The following EPHA7 variants were observed in gnomAD, a reference collection of about 807,000 sequenced individuals.
The protein encoded by EPHA7 is EPH receptor A7, also known as ephrin type-A receptor 7.
Under a neutral mutation model 112.6 loss-of-function variants are expected in EPHA7, and 25 were observed. The observed-to-expected ratio is 0.22, with a 90% CI of 0.16 to 0.31. The LOEUF is 0.31. Ranked by LOEUF, EPHA7 falls within the 10% of genes least tolerant of loss-of-function variation. The pLI, the probability that EPHA7 is intolerant of heterozygous loss-of-function variation, is 1.00. For missense variants in EPHA7, 962 were observed against 1,212.6 expected (o/e 0.79, Z 3.07); for synonymous variants, 437 against 406.5 (o/e 1.07, Z -0.90).
chr6:93,261,387 G>T (rs752625781), intron 9 of EPHA7, among the ~76,000 whole-genome samples: 7 of 151,240 alleles, frequency 4.6e-5, no homozygotes, highest in Non-Finnish European at 7.4e-5. Context: ...ACTAAATAGA[G>T]GAATAAAAAG....
chr6:93,326,755 C>T (rs929963646), intron 5 of EPHA7, among the ~76,000 whole-genome samples: 1 of 151,342 alleles, frequency 6.6e-6, no homozygotes, highest in African/African-American at 2.4e-5. Context: ...TAACACACAT[C>T]CAGCGGTGAG....
intron 5 of EPHA7, among the ~76,000 whole-genome samples, chr6:93,285,585 A>T (rs1772021592): frequency 6.6e-6 from 1 of 151,424 alleles, no homozygotes; most frequent in Non-Finnish European, 1.5e-5. Flanking sequence ...AAAAACCAAG[A>T]CAAAGAATAA....
intron 5 of EPHA7, among the ~76,000 whole-genome samples, chr6:93,290,796 C>G (rs995993215): frequency 5.3e-5 from 8 of 152,062 alleles, no homozygotes; most frequent in Admixed American, 1.3e-4. Context: ...GAGGCTCTTA[C>G]GAATGCCCAG....
intron 3 of EPHA7, among the ~76,000 whole-genome samples, chr6:93,363,089 C>T (rs948080270): frequency 1.3e-5 from 2 of 152,144 alleles, no homozygotes; most frequent in Non-Finnish European, 2.9e-5. Context: ...TCTTGCTTGG[C>T]TATCCTCCAT....
At position 93,317,457 on chromosome 6, in the gene EPHA7, T is replaced by G. The variant is rs183656365; in HGVS notation, c.1324+39260A>C. The stretch of plus-strand genomic sequence containing the variant: ...GGACCCAGTTTTTTGATGGCCTTGG[T>G]ATTTTTACATATGAATTATAGCCAT... On this transcript the variant is annotated intron_variant, in intron 5 of 16. Coordinates refer to ENST00000369303, the MANE Select transcript of EPHA7 (RefSeq NM_004440.4). 1.3e-3 allele frequency among the ~76,000 whole-genome samples: 191 copies of G among 152,284 alleles called. 1 individual carries two copies. The highest frequency in any genetic ancestry group is 4.3e-3 in the African/African-American group (180 of 41,554).
chr6:93,390,825 T>C (rs1777869697), intron 3 of EPHA7, among the ~76,000 whole-genome samples: 1 of 151,892 alleles, frequency 6.6e-6, no homozygotes, highest in Non-Finnish European at 1.5e-5. Flanking sequence ...CTCATGCAGG[T>C]TTATCTCTCT....
chr6:93,334,880 T>A (rs1562104077), intron 5 of EPHA7, among the ~76,000 whole-genome samples: 1 of 152,234 alleles, frequency 6.6e-6, no homozygotes, highest in East Asian at 1.9e-4. Context: ...GCTCATATTT[T>A]AAAATTTTCC....
intron 14 of EPHA7, among the ~76,000 whole-genome samples, chr6:93,252,927 T>C (rs757609181): frequency 1.3e-5 from 2 of 152,050 alleles, no homozygotes; most frequent in Non-Finnish European, 2.9e-5. Context: ...TTCATAATGT[T>C]CATTTTTAAG....
At chr6:93,388,705 T>G (rs1047250261) in intron 3 of EPHA7, among the ~76,000 whole-genome samples, 1 of 151,900 alleles carries the variant, frequency 6.6e-6, no homozygotes, top group African/African-American at 2.4e-5. Flanking sequence ...TGTAAAGAGA[T>G]AACAATCCAG....
chr6:93,248,093 T>A (rs1770039740), intron 14 of EPHA7, among the ~76,000 whole-genome samples: 1 of 141,390 alleles, frequency 7.1e-6, no homozygotes, highest in African/African-American at 2.6e-5. Context: ...GGTAGAAATG[T>A]AACAAAAAAT....
intron 3 of EPHA7, among the ~76,000 whole-genome samples, chr6:93,405,813 G>GTATATATATATATATATA (rs60882775): frequency 1.4e-5 from 1 of 73,998 alleles, no homozygotes; most frequent in Non-Finnish European, 2.5e-5. Flanking sequence ...GTGTGTGTGT[G>GTATATATATATATATATA]TATATATATA....
intron 5 of EPHA7, among the ~76,000 whole-genome samples, chr6:93,316,998 C>T (rs982417098): frequency 3.3e-5 from 5 of 152,112 alleles, no homozygotes; most frequent in African/African-American, 1.2e-4. Context: ...GTAAAACTAC[C>T]TGCTGCGCTT....
intron 3 of EPHA7, chr6:93,409,632 A>G (rs1350702265): frequency 2.0e-5 from 3 of 151,980 alleles, no homozygotes; most frequent in Non-Finnish European, 4.4e-5. Flanking sequence ...TATGTTTTAT[A>G]TAAGTTAAAA....
At chr6:93,381,745 A>G (rs961594028) in intron 3 of EPHA7, among the ~76,000 whole-genome samples, 7 of 143,644 alleles carry the variant, frequency 4.9e-5, no homozygotes, top group African/African-American at 1.8e-4. Context: ...TTTTTTTCTT[A>G]TACCTGTGAT....
At chr6:93,415,644 T>G (rs1042537610) in intron 1 of EPHA7, among the ~76,000 whole-genome samples, 1 of 152,110 alleles carries the variant, frequency 6.6e-6, no homozygotes, top group Non-Finnish European at 1.5e-5. Context: ...CTCACTCTTT[T>G]GGTCAAACTG....
At chr6:93,292,488 G>A (rs1772430310) in intron 5 of EPHA7, among the ~76,000 whole-genome samples, 1 of 151,946 alleles carries the variant, frequency 6.6e-6, no homozygotes, top group African/African-American at 2.4e-5. Context: ...TATTTGTATT[G>A]AAAAGTTGTG....
intron 14 of EPHA7, among the ~76,000 whole-genome samples, chr6:93,249,622 C>G (rs1582387947): frequency 6.6e-6 from 1 of 152,112 alleles, no homozygotes; most frequent in East Asian, 1.9e-4. Flanking sequence ...CATTCTAATG[C>G]TCATAACATT....
At chr6:93,317,466 A>T (rs1237918350) in intron 5 of EPHA7, among the ~76,000 whole-genome samples, 1 of 152,184 alleles carries the variant, frequency 6.6e-6, no homozygotes, top group African/African-American at 2.4e-5. Flanking sequence ...GTATTTTTAC[A>T]TATGAATTAT....
intron 5 of EPHA7, among the ~76,000 whole-genome samples, chr6:93,276,187 G>C (rs924611814): frequency 2.6e-5 from 4 of 151,954 alleles, no homozygotes; most frequent in African/African-American, 9.7e-5. Flanking sequence ...GATTATCCTG[G>C]ATTCTTCCCA....
Sources: gnomAD v4.1 joint callset for allele counts (sites outside exome capture counted in the v4.1 genomes callset) on GRCh38, gnomAD v4.1.1 for gene constraint, MANE v1.5 for transcripts, NCBI Gene and HGNC (gene_info 2026-07-23, HGNC 2026-07-21) for gene names.